Variants in ROR1 observed in about 807,000 individuals in gnomAD.
ROR1 encodes the protein inactive tyrosine-protein kinase transmembrane receptor ROR1.
Under a neutral mutation model 78.8 loss-of-function variants are expected in ROR1, and 19 were observed. The observed-to-expected ratio is 0.24, with a 90% CI of 0.17 to 0.35. The LOEUF is 0.35. Among genes scored for constraint, ROR1 ranks in the 10% least tolerant of loss-of-function variants. The probability of loss-of-function intolerance (pLI) is 1.00; values close to 1 mark genes in which losing one functional copy is unlikely to be tolerated. For synonymous variants in ROR1, 386 were observed against 433.6 expected (o/e 0.89, Z 1.36); for missense variants, 917 against 1,177.8 (o/e 0.78, Z 3.24).
intron 1 of ROR1, among the ~76,000 whole-genome samples, chr1:63,907,209 T>C (rs920684421): frequency 6.6e-6 from 1 of 152,192 alleles, no homozygotes; most frequent in Non-Finnish European, 1.5e-5. Flanking sequence ...GTGGTTGTTA[T>C]AATATTTTGC....
At chr1:64,159,471 G>A (rs866648082) in intron 8 of ROR1, among the ~76,000 whole-genome samples, 10 of 152,186 alleles carry the variant, frequency 6.6e-5, no homozygotes, top group Middle Eastern at 3.4e-3. Flanking sequence ...TGACCAGCCC[G>A]TCAGGACTCA....
intron 4 of ROR1, among the ~76,000 whole-genome samples, chr1:64,121,563 G>C (rs1330443583): frequency 6.6e-6 from 1 of 152,206 alleles, no homozygotes; most frequent in African/African-American, 2.4e-5. Context: ...GGGCTGGGCA[G>C]TGGGAATATG....
chr1:64,122,191 G>T (rs560981232), intron 4 of ROR1, among the ~76,000 whole-genome samples: 1 of 152,316 alleles, frequency 6.6e-6, no homozygotes, highest in Admixed American at 6.5e-5. Flanking sequence ...TATGAGTCAG[G>T]TTAAGGAATT....
In ROR1 at chr1:64,142,510, A is replaced by C. The variant is rs1649349667; in HGVS notation, c.1034A>C (p.His345Pro). The change falls in exon 7 of 9, where the codon CAC becomes CCC. Residue 345 changes from histidine to proline, a missense_variant. Physicochemically the swap from His to Pro is moderately conservative, Grantham distance 77. Coordinates refer to ENST00000371079, the MANE Select transcript of ROR1 (RefSeq NM_005012.4). The part of the protein sequence containing the change: ...QPWNSQYPHT[H>P]TFTALRFPEL... ...TGGAATTCCCAGTATCCCCACACACACACTTTCACCGCCCTTCGTTTCCCA... is the reference window on the plus strand; with the variant it reads ...TGGAATTCCCAGTATCCCCACACACCCACTTTCACCGCCCTTCGTTTCCCA... 5 of 1,614,062 alleles carry C rather than the reference A, an allele frequency of 3.1e-6. 1 individual carries two copies. The South Asian group carries it at 5.5e-5, about 18-fold the overall frequency.
At chr1:64,158,478 C>G (rs552385158) in intron 7 of ROR1, among the ~76,000 whole-genome samples, 1 of 152,270 alleles carries the variant, frequency 6.6e-6, no homozygotes, top group Non-Finnish European at 1.5e-5. Flanking sequence ...GACCAGGATT[C>G]CTTAGTAATG....
chr1:63,901,006 A>G (rs705518), intron 1 of ROR1, among the ~76,000 whole-genome samples: 31 of 152,134 alleles, frequency 2.0e-4, no homozygotes, highest in African/African-American at 7.5e-4. Context: ...ACAGGTGAGG[A>G]TGCTGAGGCC....
At chr1:63,786,323 AG>A (rs1357127403) in intron 1 of ROR1, among the ~76,000 whole-genome samples, 1 of 118,252 alleles carries the variant, frequency 8.5e-6, no homozygotes, top group Non-Finnish European at 1.6e-5. Context: ...CCCAGGCTGG[AG>A]TGCAGTGGCA....
At chr1:64,067,710 C>CTTTTTTTTTTTTTTTTTTTTTTTTTTTT (rs986756579) in intron 4 of ROR1, among the ~76,000 whole-genome samples, 2 of 105,698 alleles carry the variant, frequency 1.9e-5, no homozygotes, top group Non-Finnish European at 3.7e-5. Context: ...TAAATAAATT[C>CTTTTTTTTTTTTTTTTTTTTTTTTTTTT]TTTTTTTTTT....
chr1:64,099,404 T>G (rs1346565194), intron 4 of ROR1, among the ~76,000 whole-genome samples: 1 of 152,022 alleles, frequency 6.6e-6, no homozygotes, highest in African/African-American at 2.4e-5. Flanking sequence ...TGCTAAGTGC[T>G]CAGTCAATGC....
chr1:63,804,673 G>A (rs552943167), intron 1 of ROR1, among the ~76,000 whole-genome samples: 5 of 152,226 alleles, frequency 3.3e-5, no homozygotes, highest in South Asian at 2.1e-4. Context: ...AGTGCAGAAC[G>A]TGTAGGTTTG....
Position 63,836,928 on chromosome 1 carries a change from AGT to A in ROR1, c.91+62428_91+62429del, listed in dbSNP as rs368058448. 2.2e-4 allele frequency among the ~76,000 whole-genome samples: 33 copies of A among 152,270 alleles called. No homozygotes were observed. In the East Asian group the frequency reaches 6.4e-3, roughly 29 times the overall value. ...ATAGAGGTACCTCTTATAGCGATGAAGTGTGTGTGCGTGTTTGAATTATCTGT... is the reference window on the plus strand; with the variant it reads ...ATAGAGGTACCTCTTATAGCGATGAAGTGTGTGCGTGTTTGAATTATCTGT... On this transcript the variant is annotated intron_variant, in intron 1 of 8. Coordinates refer to ENST00000371079, the MANE Select transcript of ROR1 (RefSeq NM_005012.4).
chr1:63,990,926 T>TG (rs1316210960), intron 1 of ROR1, among the ~76,000 whole-genome samples: 1 of 152,196 alleles, frequency 6.6e-6, no homozygotes, highest in Non-Finnish European at 1.5e-5. Context: ...TATGTATAAA[T>TG]GAAAAACTCT....
chr1:63,886,513 G>T (rs1302244768), intron 1 of ROR1, among the ~76,000 whole-genome samples: 1 of 152,138 alleles, frequency 6.6e-6, no homozygotes, highest in Admixed American at 6.5e-5. Flanking sequence ...TTATAATTCT[G>T]CTGAGGCAAG....
intron 1 of ROR1, among the ~76,000 whole-genome samples, chr1:63,929,565 G>A (rs1375570186): frequency 6.6e-6 from 1 of 152,152 alleles, no homozygotes; most frequent in Admixed American, 6.5e-5. Context: ...CTAGAGGGAT[G>A]TTATATAGTT....
chr1:63,847,624 G>A (rs542135132), intron 1 of ROR1, among the ~76,000 whole-genome samples: 2 of 152,152 alleles, frequency 1.3e-5, no homozygotes, highest in South Asian at 2.1e-4. Flanking sequence ...AGGCTGGGTC[G>A]GTAAAACCCA....
chr1:63,869,979 T>C (rs1251092203), intron 1 of ROR1, among the ~76,000 whole-genome samples: 1 of 152,254 alleles, frequency 6.6e-6, no homozygotes, highest in Non-Finnish European at 1.5e-5. Context: ...ATACACTCTG[T>C]ACATAATATG....
At position 63,786,588 on chromosome 1, in the gene ROR1, T is replaced by TC. The variant is rs1228475634; in HGVS notation, c.91+12080_91+12081insC. On this transcript the variant is annotated intron_variant, in intron 1 of 8. Coordinates refer to ENST00000371079, the MANE Select transcript of ROR1 (RefSeq NM_005012.4). ...CGCCTGGCCTTTTTTTTTTTTTTTT[T>TC]TTTTAAGGAGCAATTGTCAGATTTG... 2.6e-5 allele frequency among the ~76,000 whole-genome samples: 4 copies of TC among 151,064 alleles called. No homozygotes were observed. In the East Asian group the frequency reaches 7.8e-4, roughly 29 times the overall value.
intron 1 of ROR1, among the ~76,000 whole-genome samples, chr1:63,967,783 G>A (rs897907319): frequency 2.6e-5 from 4 of 152,180 alleles, no homozygotes; most frequent in African/African-American, 9.7e-5. Flanking sequence ...TGGAGGGGGA[G>A]CTTGGACTCT....
rs1434983570 is a variant in ROR1, at chr1:63,846,845, T to G, written c.91+72337T>G. 2.0e-5 allele frequency among the ~76,000 whole-genome samples: 3 copies of G among 152,304 alleles called. No individual in the cohort carries two copies. The East Asian group carries it at 5.8e-4, about 29-fold the overall frequency. On this transcript the variant is annotated intron_variant, in intron 1 of 8. Coordinates refer to ENST00000371079, the MANE Select transcript of ROR1 (RefSeq NM_005012.4). ...AAGGCCTCTAGAAGCTCACTAACAC[T>G]CCTAATGCGGCACAGCGCGTTACTG...
Sources: gnomAD v4.1 joint callset for allele counts (sites outside exome capture counted in the v4.1 genomes callset) on GRCh38, gnomAD v4.1.1 for gene constraint, MANE v1.5 for transcripts, NCBI Gene and HGNC (gene_info 2026-07-23, HGNC 2026-07-21) for gene names.